Variants in ITGA9 observed in about 807,000 individuals in gnomAD.
ITGA9 encodes the protein integrin alpha-9.
A neutral mutation model predicts 127.8 loss-of-function variants in ITGA9; 56 were observed. The ratio of observed to expected loss-of-function variants is 0.44; its 90% CI spans 0.35 to 0.55. ITGA9 has a LOEUF of 0.55. Ranked by LOEUF, ITGA9 falls within the 20% of genes least tolerant of loss-of-function variation. The pLI, the probability that ITGA9 is intolerant of heterozygous loss-of-function variation, is 0.00. For missense variants in ITGA9, 1,196 were observed against 1,347.1 expected (o/e 0.89, Z 1.76); for synonymous variants, 508 against 514.5 (o/e 0.99, Z 0.17).
chr3:37,716,648 C>T (rs1002098003), intron 18 of ITGA9, among the ~76,000 whole-genome samples: 4 of 149,340 alleles, frequency 2.7e-5, no homozygotes, highest in African/African-American at 9.9e-5. Context: ...CATGGCCCTG[C>T]AGCTCATCCT....
At chr3:37,617,890 C>A (rs1318104843) in intron 15 of ITGA9, among the ~76,000 whole-genome samples, 1 of 152,158 alleles carries the variant, frequency 6.6e-6, no homozygotes, top group Non-Finnish European at 1.5e-5. Flanking sequence ...TTTTTAACTT[C>A]TTTGCCATGG....
intron 9 of ITGA9, among the ~76,000 whole-genome samples, chr3:37,516,745 G>T (rs1026497611): frequency 2.0e-5 from 3 of 152,218 alleles, no homozygotes; most frequent in Middle Eastern, 3.4e-3. Flanking sequence ...TCTGCACTGG[G>T]GAATGCATAC....
chr3:37,796,471 ATGG>A (rs1258099577), intron 26 of ITGA9, among the ~76,000 whole-genome samples: 12 of 130,336 alleles, frequency 9.2e-5, no homozygotes, highest in Non-Finnish European at 2.2e-4. Context: ...GGTTGGTTGG[ATGG>A]ATGGATGGAT....
At chr3:37,735,269 C>T (rs1696345907) in intron 19 of ITGA9, among the ~76,000 whole-genome samples, 1 of 152,164 alleles carries the variant, frequency 6.6e-6, no homozygotes, top group South Asian at 2.1e-4. Flanking sequence ...GACTCTACAC[C>T]AGTCAAGACC....
Position 37,799,002 on chromosome 3 carries a change from C to T in ITGA9, c.2890-4821C>T, listed in dbSNP as rs951343447. Among the ~76,000 whole-genome samples the T allele has an allele frequency of 2.6e-5, 4 of 152,134 alleles. No individual in the cohort carries two copies. Among genetic ancestry groups the T allele is most frequent in the Non-Finnish European group, 4.4e-5 (3 of 68,020 alleles). Reference sequence around the variant, plus strand: ...TTGTGATTGACCATAGTTTACTTATCTATTGCCCTAATGTTAGACACTTAG... The same window carrying T: ...TTGTGATTGACCATAGTTTACTTATTTATTGCCCTAATGTTAGACACTTAG... On this transcript the variant is annotated intron_variant, in intron 26 of 27. Transcript: ENST00000264741. The surrounding 1 kb of genome is among the most constrained non-coding windows in gnomAD (Gnocchi z 4.0).
At chr3:37,624,381 T>C (rs1700156982) in intron 15 of ITGA9, among the ~76,000 whole-genome samples, 1 of 151,870 alleles carries the variant, frequency 6.6e-6, no homozygotes, top group African/African-American at 2.4e-5. Flanking sequence ...TTCCTTTGGC[T>C]GGGCAGATGA....
chr3:37,476,928 A>G (rs1698500810), intron 3 of ITGA9, among the ~76,000 whole-genome samples: 1 of 152,120 alleles, frequency 6.6e-6, no homozygotes, highest in Non-Finnish European at 1.5e-5. Flanking sequence ...ACTGAGGGTC[A>G]ATGTTAAAAC....
chr3:37,691,370 G>A (rs1025936912), intron 18 of ITGA9, among the ~76,000 whole-genome samples: 1 of 152,148 alleles, frequency 6.6e-6, no homozygotes, highest in South Asian at 2.1e-4. Flanking sequence ...AGGCAGGTGT[G>A]GTATGTGGGT....
At chr3:37,570,186 G>T (rs185768387) in intron 15 of ITGA9, among the ~76,000 whole-genome samples, 2 of 152,374 alleles carry the variant, frequency 1.3e-5, no homozygotes, top group Admixed American at 1.3e-4. Flanking sequence ...CATGGATGCA[G>T]CAAAAACCCA....
At chr3:37,729,705 T>C (rs1004280311) in intron 18 of ITGA9, among the ~76,000 whole-genome samples, 12 of 143,524 alleles carry the variant, frequency 8.4e-5, no homozygotes, top group East Asian at 4.0e-4. Flanking sequence ...GATTTCTTTT[T>C]TTTTTTTTTT....
At chr3:37,733,354 C>A (rs1190041474) in intron 19 of ITGA9, among the ~76,000 whole-genome samples, 6 of 152,080 alleles carry the variant, frequency 3.9e-5, no homozygotes, top group Non-Finnish European at 8.8e-5. Flanking sequence ...CATCTTCAGA[C>A]ATTCATGGAA....
At chr3:37,751,497 G>A (rs1490977693) in intron 23 of ITGA9, among the ~76,000 whole-genome samples, 1 of 152,146 alleles carries the variant, frequency 6.6e-6, no homozygotes, top group Non-Finnish European at 1.5e-5. Context: ...CAGTGTTGCA[G>A]GAGCCTTTTT....
chr3:37,462,766 A>C lies in ITGA9; in HGVS notation c.186-8241A>C, dbSNP rs1698329445. On this transcript the variant is annotated intron_variant, in intron 1 of 27. Coordinates refer to ENST00000264741, the MANE Select transcript of ITGA9 (RefSeq NM_002207.3). ...CCTTGCAGATAAAATACCATAATCT[A>C]CTCTTGCAAATCAGGCCATCCTGGG... Among the ~76,000 whole-genome samples, 3 of 151,940 alleles carry C rather than the reference A, an allele frequency of 2.0e-5. No individual in the cohort carries two copies. The South Asian group carries it at 6.2e-4, about 32-fold the overall frequency.
At chr3:37,732,361 G>T (rs1696302718) in intron 18 of ITGA9, among the ~76,000 whole-genome samples, 1 of 152,094 alleles carries the variant, frequency 6.6e-6, no homozygotes, top group South Asian at 2.1e-4. Flanking sequence ...TAGGGTGTGG[G>T]CTTAGGAGAA....
intron 26 of ITGA9, among the ~76,000 whole-genome samples, chr3:37,803,461 G>T (rs917293581): frequency 2.6e-5 from 4 of 152,174 alleles, no homozygotes; most frequent in African/African-American, 9.7e-5. Flanking sequence ...GCCCAGGCTG[G>T]GCTCCATCAT....
At chr3:37,507,497 G>A (rs940097288) in intron 7 of ITGA9, among the ~76,000 whole-genome samples, 29 of 152,262 alleles carry the variant, frequency 1.9e-4, no homozygotes, top group African/African-American at 6.5e-4. Context: ...GTCTTAAGAT[G>A]ACCCCTCCGC....
At chr3:37,737,469 G>A (rs1327121707) in intron 20 of ITGA9, among the ~76,000 whole-genome samples, 2 of 152,188 alleles carry the variant, frequency 1.3e-5, no homozygotes, top group Non-Finnish European at 2.9e-5. Flanking sequence ...TCAAGAGAGG[G>A]CTTAATTTGG....
intron 15 of ITGA9, among the ~76,000 whole-genome samples, chr3:37,593,149 T>C (rs978497287): frequency 7.9e-5 from 12 of 152,332 alleles, no homozygotes; most frequent in African/African-American, 2.9e-4. Flanking sequence ...CCAAAATTCA[T>C]AGATGCTCAA....
At chr3:37,473,506 G>C in intron 3 of ITGA9, 46 bp downstream of exon 3, 2 of 1,406,998 alleles carry the variant, frequency 1.4e-6, no homozygotes, top group Non-Finnish European at 1.0e-6. Context: ...GGCACTCTGA[G>C]AATGAATGAT....
Sources: allele counts gnomAD v4.1 joint callset (sites outside exome capture counted in the v4.1 genomes callset), GRCh38; gene constraint gnomAD v4.1.1; non-coding constraint Gnocchi (gnomAD v3.1); transcripts MANE v1.5; gene names NCBI Gene and HGNC (gene_info 2026-07-23, HGNC 2026-07-21).